ACVR1: variants seen among roughly 807,000 people sequenced by gnomAD.
ACVR1 encodes activin A receptor type 1, also known as activin receptor type-1.
ACVR1 carries 38 observed loss-of-function variants against 57.1 expected under a neutral mutation model. The ratio of observed to expected loss-of-function variants is 0.67; its 90% CI spans 0.51 to 0.87. The LOEUF (loss-of-function observed/expected upper bound fraction) is 0.87, where lower values mean the gene tolerates loss of function less well. Among genes scored for constraint, ACVR1 ranks in the 40% least tolerant of loss-of-function variants. ACVR1 has a pLI of 0.00. For missense variants in ACVR1, 463 were observed against 638.2 expected, an observed-to-expected ratio of 0.73 and a Z score of 2.96; for synonymous variants, 212 against 228.1, an observed-to-expected ratio of 0.93 and a Z score of 0.63.
chr2:157,817,446 T>C (rs1275147231), intron 2 of ACVR1, among the ~76,000 whole-genome samples: 2 of 152,200 alleles, frequency 1.3e-5, no homozygotes, highest in Non-Finnish European at 2.9e-5. Context: ...TATAATATTA[T>C]AATGGTAGAT....
intron 6 of ACVR1, among the ~76,000 whole-genome samples, chr2:157,772,593 G>A (rs1023036901): frequency 4.6e-5 from 7 of 152,168 alleles, no homozygotes; most frequent in Admixed American, 1.3e-4. Context: ...GGACTCTGGA[G>A]CCAATCTCTG....
At chr2:157,873,168 T>A (rs1466362774) in intron 1 of ACVR1, among the ~76,000 whole-genome samples, 1 of 152,210 alleles carries the variant, frequency 6.6e-6, no homozygotes, top group Non-Finnish European at 1.5e-5. Context: ...GAAGACAGTA[T>A]GTGAGTGAAT....
At chr2:157,738,034 T>C (rs980374311) in intron 10 of ACVR1, among the ~76,000 whole-genome samples, 8 of 152,260 alleles carry the variant, frequency 5.3e-5, no homozygotes, top group Admixed American at 3.9e-4. Flanking sequence ...TACTTATGAG[T>C]AGCAATACAG....
At position 157,737,523 on chromosome 2, in the gene ACVR1, T is replaced by G. The variant is rs1684579125; in HGVS notation, c.*8A>C. 1 of 1,613,988 alleles carries G rather than the reference T, an allele frequency of 6.2e-7. No individual in the cohort carries two copies. The highest frequency in any genetic ancestry group is 2.2e-5 in the East Asian group (1 of 44,860). ...CGTCAAATCTTCCTTCTTGACACTA[T>G]GAAAATGTCAACAGTCAGTTTTCAA... On this transcript the variant is annotated 3_prime_UTR_variant, in exon 11 of 11. Transcript: ENST00000434821.
At chr2:157,805,643 A>G (rs1574086612) in intron 2 of ACVR1, among the ~76,000 whole-genome samples, 1 of 152,256 alleles carries the variant, frequency 6.6e-6, no homozygotes, top group East Asian at 1.9e-4. Flanking sequence ...GGTAGAAGAA[A>G]CTTGCCTAAG....
intron 1 of ACVR1, among the ~76,000 whole-genome samples, chr2:157,830,339 A>G (rs2105343603): frequency 6.6e-6 from 1 of 152,356 alleles, no homozygotes; most frequent in East Asian, 1.9e-4. Flanking sequence ...AAAAATGAAA[A>G]AGAAATAATA....
rs144947560 is a variant in ACVR1, at chr2:157,794,484, A to G, written c.67+4943T>C. 6.6e-5 allele frequency among the ~76,000 whole-genome samples: 10 copies of G among 152,290 alleles called. No homozygotes were observed. In the East Asian group the frequency reaches 1.7e-3, roughly 26 times the overall value. On this transcript the variant is annotated intron_variant, in intron 3 of 10. Transcript: ENST00000434821. ...AGCTGGATTCTAGCATGCACCAGAC[A>G]TAATATGAATGTGGATGTAGCTAAT...
rs565824600 is a variant in ACVR1, at chr2:157,761,491, C to A, written c.1067-414G>T. Among the ~76,000 whole-genome samples the A allele has an allele frequency of 2.6e-4, 39 of 152,260 alleles. No individual in the cohort carries two copies. The South Asian group carries it at 7.7e-3, about 30-fold the overall frequency. ...CTCACTAGTCTCCAAACACAAATTT[C>A]CAACAGTGTGAGATAGAGCATTTAA... On this transcript the variant is annotated intron_variant, in intron 8 of 10. Coordinates refer to ENST00000434821, the MANE Select transcript of ACVR1 (RefSeq NM_001111067.4).
chr2:157,863,482 TG>T (rs1414109384), intron 1 of ACVR1, among the ~76,000 whole-genome samples: 28 of 149,116 alleles, frequency 1.9e-4, no homozygotes, highest in African/African-American at 5.7e-4. Flanking sequence ...GGATCACCTG[TG>T]GTCAGGAGTT....
At chr2:157,830,933 C>T (rs1299020461) in intron 1 of ACVR1, among the ~76,000 whole-genome samples, 1 of 152,116 alleles carries the variant, frequency 6.6e-6, no homozygotes, top group Non-Finnish European at 1.5e-5. Flanking sequence ...GTTACATTTG[C>T]TACATTTTTT....
chr2:157,778,772 A>G (rs891155144), intron 4 of ACVR1, among the ~76,000 whole-genome samples: 4 of 152,138 alleles, frequency 2.6e-5, no homozygotes, highest in South Asian at 4.1e-4. Flanking sequence ...CTGGGTGTCT[A>G]CTGCTGGTTT....
At chr2:157,830,939 T>G (rs1311493596) in intron 1 of ACVR1, among the ~76,000 whole-genome samples, 1 of 152,126 alleles carries the variant, frequency 6.6e-6, no homozygotes, top group Admixed American at 6.5e-5. Context: ...TTTGCTACAT[T>G]TTTTGTCTTA....
At chr2:157,789,251 C>A (rs1337985756) in intron 3 of ACVR1, among the ~76,000 whole-genome samples, 2 of 152,190 alleles carry the variant, frequency 1.3e-5, no homozygotes, top group Admixed American at 6.5e-5. Flanking sequence ...TGCTGTGAAG[C>A]TGAACTGGCT....
rs73966142 is a variant in ACVR1 at position 157,873,369 on chromosome 2, C to T, written c.-183+2427G>A. On this transcript the variant is annotated intron_variant, in intron 1 of 10. Transcript: ENST00000434821. The stretch of plus-strand genomic sequence containing the variant: ...GAAAAAGTACCTGTGAAGAGCTGAG[C>T]CCAGTGCCTAGCACATATCCAGCAC... Among the ~76,000 whole-genome samples the T allele has an allele frequency of 3.2e-3, 491 of 152,010 alleles. 2 individuals are homozygous for T. The highest frequency in any genetic ancestry group is 0.011 in the African/African-American group (457 of 41,288).
At chr2:157,857,566 A>C (rs1006328021) in intron 1 of ACVR1, among the ~76,000 whole-genome samples, 1 of 152,120 alleles carries the variant, frequency 6.6e-6, no homozygotes, top group Admixed American at 6.5e-5. Flanking sequence ...TCTCCCTGTA[A>C]AATAAAATAA....
chr2:157,845,379 G>A (rs1054827353), intron 1 of ACVR1, among the ~76,000 whole-genome samples: 4 of 152,172 alleles, frequency 2.6e-5, no homozygotes, highest in African/African-American at 9.7e-5. Context: ...TATGAGAGAC[G>A]CATGGAGAGG....
intron 9 of ACVR1, among the ~76,000 whole-genome samples, chr2:157,748,759 C>A (rs1016598572): frequency 1.4e-4 from 21 of 152,070 alleles, no homozygotes; most frequent in South Asian, 6.2e-4. Flanking sequence ...GGAAAAAAAA[C>A]CACCTAAAGG....
chr2:157,790,648 C>T (rs570024743), intron 3 of ACVR1, among the ~76,000 whole-genome samples: 33 of 152,194 alleles, frequency 2.2e-4, no homozygotes, highest in Non-Finnish European at 1.8e-4. Flanking sequence ...TCTACGTTCG[C>T]ACTAAGGCTT....
At chr2:157,851,878 CA>C (rs1334874257) in intron 1 of ACVR1, among the ~76,000 whole-genome samples, 72 of 3,596 alleles carry the variant, frequency 0.02, no homozygotes, top group Non-Finnish European at 0.12. Context: ...CACACACACA[CA>C]CACACACACA....
Sources: gnomAD v4.1 joint callset for allele counts (sites outside exome capture counted in the v4.1 genomes callset) on GRCh38, gnomAD v4.1.1 for gene constraint, MANE v1.5 for transcripts, NCBI Gene and HGNC (gene_info 2026-07-23, HGNC 2026-07-21) for gene names.